CNBD1: variants seen among roughly 807,000 people sequenced by gnomAD.
CNBD1 encodes the protein cyclic nucleotide binding domain containing 1, also known as cyclic nucleotide-binding domain-containing protein 1.
CNBD1 carries 71 observed loss-of-function variants against 54.4 expected under a neutral mutation model. The ratio of observed to expected loss-of-function variants is 1.30; its 90% CI spans 1.08 to 1.59. The LOEUF is 1.59. Among genes scored for constraint, CNBD1 ranks in the 40% most tolerant of loss-of-function variants. The pLI, the probability that CNBD1 is intolerant of heterozygous loss-of-function variation, is 0.00. For missense variants in CNBD1, 659 were observed against 518.0 expected, an observed-to-expected ratio of 1.27 and a Z score of -2.64; for synonymous variants, 182 against 170.7, an observed-to-expected ratio of 1.07 and a Z score of -0.51.
intron 8 of CNBD1, among the ~76,000 whole-genome samples, chr8:87,297,985 CTTA>C (rs758746921): frequency 1.4e-4 from 21 of 151,120 alleles, no homozygotes; most frequent in Middle Eastern, 3.5e-3. Flanking sequence ...TATTAAGATC[CTTA>C]TTAATATAGA....
chr8:87,185,763 A>T lies in CNBD1; in HGVS notation c.432-20230A>T, dbSNP rs147739214. ...ATGATAAATACTCATTAATAATTCA[A>T]CAGATTCTTTTTGAAAATCTCTGGT... is the stretch of plus-strand genomic sequence containing the variant. On this transcript the variant is annotated intron_variant, in intron 4 of 10. Transcript: ENST00000518476. Among the ~76,000 whole-genome samples, 340 of 147,962 alleles carry T rather than the reference A, an allele frequency of 2.3e-3. 3 individuals are homozygous for T. Among genetic ancestry groups the T allele is most frequent in the African/African-American group, 7.8e-3 (323 of 41,250 alleles).
chr8:86,928,895 C>G (rs935524664), intron 3 of CNBD1, among the ~76,000 whole-genome samples: 1 of 152,134 alleles, frequency 6.6e-6, no homozygotes. Flanking sequence ...TAAGTATTTT[C>G]CACTGGCTGG....
chr8:87,038,878 C>G (rs773515473), intron 4 of CNBD1, among the ~76,000 whole-genome samples: 1 of 152,150 alleles, frequency 6.6e-6, no homozygotes, highest in African/African-American at 2.4e-5. Flanking sequence ...AAGGTGGTTT[C>G]TAGGTCACTC....
chr8:86,897,514 A>G (rs1306204446), intron 2 of CNBD1, among the ~76,000 whole-genome samples: 7 of 152,210 alleles, frequency 4.6e-5, no homozygotes, highest in Non-Finnish European at 1.5e-5. Context: ...ACCAGAAAGC[A>G]GATAGTGAGT....
At chr8:87,058,689 T>C (rs1291436500) in intron 4 of CNBD1, among the ~76,000 whole-genome samples, 2 of 152,240 alleles carry the variant, frequency 1.3e-5, no homozygotes, top group East Asian at 1.9e-4. Context: ...CTGGAGTGGC[T>C]GATATGCAGT....
At position 87,225,180 on chromosome 8, in the gene CNBD1, C is replaced by A. The variant is rs1248618291; in HGVS notation, c.578-11739C>A. On this transcript the variant is annotated intron_variant, in intron 5 of 10. Transcript: ENST00000518476. ...GGGTTTTCTAGATATACAATCATGT[C>A]ATCTGCAAACAGGGACAATTTGACT... 2.7e-4 allele frequency among the ~76,000 whole-genome samples: 41 copies of A among 149,710 alleles called. 1 individual carries two copies. The South Asian group carries it at 7.7e-3, about 28-fold the overall frequency.
intron 5 of CNBD1, among the ~76,000 whole-genome samples, chr8:87,222,553 A>G (rs773103295): frequency 8.5e-5 from 13 of 152,140 alleles, no homozygotes; most frequent in Non-Finnish European, 1.8e-4. Flanking sequence ...ACTCAATTTT[A>G]TAGGGCAAGG....
At position 87,311,885 on chromosome 8, in the gene CNBD1, G is replaced by T. The variant is rs574033615; in HGVS notation, c.1042+25214G>T. Reference sequence around the variant, plus strand: ...TGCATGTTCTCACTTGTAAGTGGAAGCTAAACATTGGACACTCATGGACAT... The same window carrying T: ...TGCATGTTCTCACTTGTAAGTGGAATCTAAACATTGGACACTCATGGACAT... On this transcript the variant is annotated intron_variant, in intron 8 of 10. Coordinates refer to ENST00000518476, the MANE Select transcript of CNBD1 (RefSeq NM_173538.3). Among the ~76,000 whole-genome samples, 13 of 152,192 alleles carry T rather than the reference G, an allele frequency of 8.5e-5. No individual in the cohort carries two copies. In the East Asian group the frequency reaches 2.5e-3, roughly 29 times the overall value.
At chr8:86,898,908 T>G (rs1265895523) in intron 2 of CNBD1, among the ~76,000 whole-genome samples, 2 of 152,050 alleles carry the variant, frequency 1.3e-5, no homozygotes, top group Non-Finnish European at 2.9e-5. Flanking sequence ...GTAACAAACC[T>G]GCACGTGTAC....
At chr8:87,109,382 A>C (rs542699942) in intron 4 of CNBD1, among the ~76,000 whole-genome samples, 8 of 152,076 alleles carry the variant, frequency 5.3e-5, no homozygotes, top group Non-Finnish European at 1.0e-4. Flanking sequence ...CCTTTGGCTA[A>C]GATACGGAAA....
chr8:86,883,660 G>C (rs1449782401), intron 1 of CNBD1, among the ~76,000 whole-genome samples: 1 of 152,102 alleles, frequency 6.6e-6, no homozygotes, highest in Non-Finnish European at 1.5e-5. Context: ...GATGAAGACT[G>C]AAAGGAGGTT....
chr8:87,006,456 G>T (rs1433576367), intron 4 of CNBD1, among the ~76,000 whole-genome samples: 1 of 152,112 alleles, frequency 6.6e-6, no homozygotes, highest in Non-Finnish European at 1.5e-5. Context: ...GGTTTAATTG[G>T]CTTATAGTTC....
Position 87,003,413 on chromosome 8 carries a change from T to C in CNBD1, c.431+63659T>C, listed in dbSNP as rs1461024248. 7.9e-5 allele frequency among the ~76,000 whole-genome samples: 12 copies of C among 152,164 alleles called. No homozygotes were observed. The East Asian group carries it at 2.3e-3, about 29-fold the overall frequency. On this transcript the variant is annotated intron_variant, in intron 4 of 10. Coordinates refer to ENST00000518476, the MANE Select transcript of CNBD1 (RefSeq NM_173538.3). ...ATAATAAAAGGGAGGCAGGGGAGCA[T>C]GGAAGGAACAGTTTAAGACTTGGGT...
At chr8:87,320,620 G>GC (rs753818587) in intron 8 of CNBD1, among the ~76,000 whole-genome samples, 1 of 85,028 alleles carries the variant, frequency 1.2e-5, no homozygotes, top group Non-Finnish European at 2.4e-5. Flanking sequence ...GTGTGTGTGT[G>GC]GGGGGGCGGC....
chr8:87,157,558 C>A (rs1364528674), intron 4 of CNBD1, among the ~76,000 whole-genome samples: 1 of 152,174 alleles, frequency 6.6e-6, no homozygotes, highest in African/African-American at 2.4e-5. Flanking sequence ...CAGCAGAATG[C>A]AGCAGAATAA....
chr8:87,242,743 CAT>C (rs572595923), intron 6 of CNBD1, among the ~76,000 whole-genome samples: 73 of 152,286 alleles, frequency 4.8e-4, no homozygotes, highest in Non-Finnish European at 9.1e-4. Context: ...GTGCCACAGT[CAT>C]TTATATTTGG....
chr8:87,377,219 G>T (rs919783063), intron 10 of CNBD1, among the ~76,000 whole-genome samples: 2 of 151,040 alleles, frequency 1.3e-5, no homozygotes, highest in Non-Finnish European at 2.9e-5. Context: ...AGTTACATAT[G>T]TATACATGTG....
At chr8:87,050,746 A>C (rs1014360395) in intron 4 of CNBD1, among the ~76,000 whole-genome samples, 2 of 152,218 alleles carry the variant, frequency 1.3e-5, no homozygotes, top group Non-Finnish European at 2.9e-5. Context: ...AGCCTCATTA[A>C]TGAGATGTAG....
chr8:87,387,444 G>C (rs1015701679), downstream of CNBD1, among the ~76,000 whole-genome samples: 1 of 151,986 alleles, frequency 6.6e-6, no homozygotes, highest in African/African-American at 2.4e-5. Context: ...AAAAAAGGCA[G>C]GGGTTGCAAC....
Sources: allele counts gnomAD v4.1 joint callset (sites outside exome capture counted in the v4.1 genomes callset), GRCh38; gene constraint gnomAD v4.1.1; transcripts MANE v1.5; gene names NCBI Gene and HGNC (gene_info 2026-07-23, HGNC 2026-07-21).